DARS1: variants seen among roughly 807,000 people sequenced by gnomAD.
The protein encoded by DARS1 is aspartate--tRNA ligase, cytoplasmic.
Under a neutral mutation model 68.8 loss-of-function variants are expected in DARS1, and 51 were observed. The observed-to-expected ratio is 0.74, with a 90% confidence interval of 0.59 to 0.94. The LOEUF is 0.94. DARS1 is among the 40% of genes least tolerant of loss of function. DARS1 has a pLI of 0.00. For synonymous variants in DARS1, 203 were observed against 190.4 expected (o/e 1.07, Z -0.55); for missense variants, 607 against 597.3 (o/e 1.02, Z -0.17).
chr2:135,961,300 A>G, intron 4 of DARS1, 96 bp downstream of exon 4: 2 of 709,618 alleles, frequency 2.8e-6, no homozygotes, highest in South Asian at 3.2e-5. Flanking sequence ...AAACAAACGA[A>G]GCATTGATGT....
chr2:135,964,221 G>A (rs1221167761), intron 3 of DARS1, among the ~76,000 whole-genome samples: 1 of 151,948 alleles, frequency 6.6e-6, no homozygotes, highest in Non-Finnish European at 1.5e-5. Flanking sequence ...GATCATATGG[G>A]GAAAAAAACC....
intron 5 of DARS1, among the ~76,000 whole-genome samples, chr2:135,941,243 CT>C (rs1386729047): frequency 1.3e-5 from 2 of 152,182 alleles, no homozygotes; most frequent in African/African-American, 2.4e-5. Flanking sequence ...AGGCACCACG[CT>C]ACCTGACTTC....
chr2:135,933,204 T>C (rs867143115), intron 6 of DARS1, among the ~76,000 whole-genome samples: 4 of 152,142 alleles, frequency 2.6e-5, no homozygotes, highest in Non-Finnish European at 5.9e-5. Flanking sequence ...TGACATAGAG[T>C]AGTGGTTCTG....
At chr2:135,956,877 C>T (rs952924208) in intron 4 of DARS1, among the ~76,000 whole-genome samples, 1 of 152,024 alleles carries the variant, frequency 6.6e-6, no homozygotes, top group Non-Finnish European at 1.5e-5. Context: ...AATTCTCCTG[C>T]CTCAGCTTCC....
At chr2:135,955,454 G>A (rs1681950314) in intron 4 of DARS1, among the ~76,000 whole-genome samples, 1 of 151,996 alleles carries the variant, frequency 6.6e-6, no homozygotes, top group South Asian at 2.1e-4. Context: ...AAAGAGGCAT[G>A]CCATAAAGTT....
chr2:135,979,230 C>A, intron 3 of DARS1, 44 bp downstream of exon 3: 1 of 867,444 alleles, frequency 1.2e-6, no homozygotes, highest in South Asian at 1.4e-5. Context: ...ACAAAAAATT[C>A]GGAGTCCTTA....
intron 5 of DARS1, among the ~76,000 whole-genome samples, chr2:135,935,105 C>T (rs1681438785): frequency 1.3e-5 from 2 of 151,802 alleles, no homozygotes; most frequent in Non-Finnish European, 2.9e-5. Context: ...TTATTTTTAA[C>T]AGCATTTGGC....
intron 15 of DARS1, among the ~76,000 whole-genome samples, chr2:135,907,983 T>C (rs934191301): frequency 5.3e-5 from 8 of 152,140 alleles, no homozygotes; most frequent in Non-Finnish European, 1.0e-4. Flanking sequence ...TATGTAGAGA[T>C]GTAAAAAGAA....
intron 3 of DARS1, among the ~76,000 whole-genome samples, chr2:135,969,228 A>C (rs564702139): frequency 5.3e-5 from 8 of 152,190 alleles, no homozygotes; most frequent in African/African-American, 1.9e-4. Flanking sequence ...ACTGTTAATT[A>C]TTTTAAAAAG....
intron 3 of DARS1, among the ~76,000 whole-genome samples, chr2:135,978,142 C>CAA (rs59505882): frequency 0.011 from 588 of 54,104 alleles, 10 homozygotes; most frequent in Middle Eastern, 0.024. Context: ...GACTCTGTCT[C>CAA]AAAAAAAAAA....
Position 135,948,105 on chromosome 2 carries a change from T to G in DARS1, c.321-4625A>C, listed in dbSNP as rs372565312. On this transcript the variant is annotated intron_variant, in intron 4 of 15. Coordinates refer to ENST00000264161, the MANE Select transcript of DARS1 (RefSeq NM_001349.4). ...ACCCGTTTTTTTTCTTAGCACACCTTTAGCATTATCCAAATTTTCAATACA... is the reference window on the plus strand; with the variant it reads ...ACCCGTTTTTTTTCTTAGCACACCTGTAGCATTATCCAAATTTTCAATACA... Among the ~76,000 whole-genome samples, 7 of 152,216 alleles carry G rather than the reference T, an allele frequency of 4.6e-5. No homozygotes were observed. In the East Asian group the frequency reaches 5.8e-4, roughly 13 times the overall value.
intron 3 of DARS1, among the ~76,000 whole-genome samples, chr2:135,967,757 G>T (rs1384710479): frequency 6.6e-6 from 1 of 151,976 alleles, no homozygotes; most frequent in African/African-American, 2.4e-5. Flanking sequence ...CTTATTCACA[G>T]TTTCTCAGGG....
chr2:135,979,456 A>G (rs184020000), intron 2 of DARS1, 90 bp from the exon 3 acceptor site: 19 of 730,242 alleles, frequency 2.6e-5, no homozygotes, highest in Admixed American at 6.1e-5. Context: ...GACAGCTAGC[A>G]TAAGTACTTG....
chr2:135,981,328 TCTC>T lies in DARS1; in HGVS notation c.125-1965_125-1963del, dbSNP rs973427174. 8.5e-5 allele frequency among the ~76,000 whole-genome samples: 13 copies of T among 152,210 alleles called. No homozygotes were observed. The South Asian group carries it at 2.7e-3, about 32-fold the overall frequency. ...TAACCTGAAAACAAAGTCTCAAGTGTCTCCTCCTGCTTGCCCTGGCAGAGGAAT... is the reference window on the plus strand; with the variant it reads ...TAACCTGAAAACAAAGTCTCAAGTGTCTCCTGCTTGCCCTGGCAGAGGAAT... On this transcript the variant is annotated intron_variant, in intron 2 of 15. Transcript: ENST00000264161.
chr2:135,968,364 A>G (rs1378771282), intron 3 of DARS1, among the ~76,000 whole-genome samples: 1 of 152,208 alleles, frequency 6.6e-6, no homozygotes, highest in Non-Finnish European at 1.5e-5. Context: ...GTAACAGAGT[A>G]TCTGAAATTG....
intron 1 of DARS1, among the ~76,000 whole-genome samples, chr2:135,984,654 C>G (rs1267449136): frequency 1.3e-5 from 2 of 152,136 alleles, no homozygotes; most frequent in Non-Finnish European, 2.9e-5. Context: ...CTAAGATGAC[C>G]TTACTTCTCA....
chr2:135,933,624 A>C (rs560946340), intron 6 of DARS1, among the ~76,000 whole-genome samples: 2 of 152,256 alleles, frequency 1.3e-5, no homozygotes, highest in East Asian at 3.9e-4. Context: ...TGTATATATA[A>C]TTTTTAATAA....
chr2:135,978,142 C>CAAAAAAAAAAAAAAA (rs59505882), intron 3 of DARS1, among the ~76,000 whole-genome samples: 842 of 53,770 alleles, frequency 0.016, 2 homozygotes, highest in Non-Finnish European at 0.018. Context: ...GACTCTGTCT[C>CAAAAAAAAAAAAAAA]AAAAAAAAAA....
At position 135,985,582 on chromosome 2, in the gene DARS1, G is replaced by A. The variant is rs1201750810; in HGVS notation, c.-114C>T. 2 of 1,568,704 alleles carry A rather than the reference G, an allele frequency of 1.3e-6. No individual in the cohort carries two copies. Among genetic ancestry groups the A allele is most frequent in the Admixed American group, 1.9e-5 (1 of 52,590 alleles). ...CCGCCCTCCCGACCCTGGGGTCTCA[G>A]CACACGCGCTCGGACTCCGCGTGGA... On this transcript the variant is annotated 5_prime_UTR_variant, in exon 1 of 16. Transcript: ENST00000264161.
Sources: allele counts gnomAD v4.1 joint callset (sites outside exome capture counted in the v4.1 genomes callset), GRCh38; gene constraint gnomAD v4.1.1; transcripts MANE v1.5; gene names NCBI Gene and HGNC (gene_info 2026-07-23, HGNC 2026-07-21).